Variants in MGAT5B observed in about 807,000 individuals in gnomAD.
The protein encoded by MGAT5B is alpha-1,6-mannosylglycoprotein 6-beta-N-acetylglucosaminyltransferase B, also known as N-acetylglucosaminyl-transferase Vb.
MGAT5B carries 54 observed loss-of-function variants against 95.1 expected under a neutral mutation model. The ratio of observed to expected loss-of-function variants is 0.57; its 90% CI spans 0.46 to 0.71. The LOEUF (loss-of-function observed/expected upper bound fraction) is 0.71, where lower values mean the gene tolerates loss of function less well. MGAT5B is among the 30% of genes least tolerant of loss of function. The probability of loss-of-function intolerance (pLI) is 0.00; values close to 1 mark genes in which losing one functional copy is unlikely to be tolerated. For missense variants in MGAT5B, 935 were observed against 1,088.6 expected, an observed-to-expected ratio of 0.86 and a Z score of 1.99; for synonymous variants, 464 against 451.0, an observed-to-expected ratio of 1.03 and a Z score of -0.36.
chr17:76,901,082 G>T (rs1968298653), intron 3 of MGAT5B, among the ~76,000 whole-genome samples: 1 of 152,156 alleles, frequency 6.6e-6, no homozygotes, highest in Non-Finnish European at 1.5e-5. Flanking sequence ...ACCCTGACTA[G>T]TCCCCCGATG....
intron 3 of MGAT5B, among the ~76,000 whole-genome samples, chr17:76,888,221 G>A (rs1967734195): frequency 6.6e-6 from 1 of 152,092 alleles, no homozygotes; most frequent in African/African-American, 2.4e-5. Context: ...CATCAGGGTG[G>A]GGAGCTCTGG....
intron 3 of MGAT5B, among the ~76,000 whole-genome samples, chr17:76,891,280 G>A (rs576609757): frequency 1.4e-3 from 220 of 152,158 alleles, no homozygotes; most frequent in African/African-American, 5.1e-3. Context: ...CCTCTTATAA[G>A]GGCACTAATG....
Position 76,946,400 on chromosome 17 carries a change from T to C in MGAT5B, c.1873T>C (p.Tyr625His), listed in dbSNP as rs1460745376. ...TQVDPYLPYEYTCEGMLERIH... is the reference protein window; with the variant it reads ...TQVDPYLPYEHTCEGMLERIH... Reference sequence around the variant, plus strand: ...GGTAGACCCCTACCTACCCTACGAGTACACCTGCGAGGGGATGCTGGAGCG... The same window carrying C: ...GGTAGACCCCTACCTACCCTACGAGCACACCTGCGAGGGGATGCTGGAGCG... Residue 625 changes from tyrosine (Y) to histidine (H), a missense_variant, in exon 16 of 18, where the codon TAC becomes CAC. Coordinates refer to ENST00000569840, the MANE Select transcript of MGAT5B (RefSeq NM_001199172.2). 3.7e-6 allele frequency: 6 copies of C among 1,607,292 alleles called. No individual in the cohort carries two copies. The highest frequency in any genetic ancestry group is 5.1e-6 in the Non-Finnish European group (6 of 1,176,564).
Position 76,940,249 on chromosome 17 carries a change from T to G in MGAT5B, c.1585-153T>G, listed in dbSNP as rs764659445. On this transcript the variant is annotated intron_variant, in intron 13 of 17. Coordinates refer to ENST00000569840, the MANE Select transcript of MGAT5B (RefSeq NM_001199172.2). This position sits in a 1 kb window ranked among gnomAD's most constrained non-coding sequence, Gnocchi z 4.3. Reference sequence around the variant, plus strand: ...TGGGCTGGCTTTTCCAGCCCTGTTATAGCTCACATAACAGGCTGAGCAAAA... The same window carrying G: ...TGGGCTGGCTTTTCCAGCCCTGTTAGAGCTCACATAACAGGCTGAGCAAAA... Among the ~76,000 whole-genome samples the G allele has an allele frequency of 3.3e-5, 5 of 152,176 alleles. No individual in the cohort carries two copies. Among genetic ancestry groups the G allele is most frequent in the East Asian group, 1.9e-4 (1 of 5,204 alleles).
At position 76,905,249 on chromosome 17, in the gene MGAT5B, G is replaced by A. The variant is rs765679940; in HGVS notation, c.771G>A (p.Arg257=). 2 of 1,613,276 alleles carry A rather than the reference G, an allele frequency of 1.2e-6. No homozygotes were observed. Among genetic ancestry groups the A allele is most frequent in the South Asian group, 1.1e-5 (1 of 91,044 alleles). ...AGTCCCTGATCTTCATGAAGAAGCG[G>A]ACCAAGAGGCTCACAGCCCAGTGGG... is the stretch of plus-strand genomic sequence containing the variant. ...GKESLIFMKK[R]TKRLTAQWAL... is the part of the protein sequence containing the mutation. Residue 257 remains arginine (R), a synonymous_variant, in exon 7 of 18, where the codon CGG becomes CGA. Transcript: ENST00000569840. The surrounding 1 kb of genome is among the most constrained non-coding windows in gnomAD (Gnocchi z 4.2).
rs139197731 is a variant in MGAT5B, at chr17:76,948,764, A to G, written c.2305A>G (p.Thr769Ala). The stretch of plus-strand genomic sequence containing the variant: ...GCTCTTCAGCTGCGCCGGCTCCAAC[A>G]CCAAGTACCGCCGGCTCTGCCCCTG... The part of the protein sequence containing the change: ...PLLFSCAGSN[T>A]KYRRLCPCRD... Residue 769 changes from threonine (T) to alanine (A), a missense_variant, in exon 18 of 18, where the codon ACC becomes GCC. By Grantham distance (58) the Thr-to-Ala change is moderately conservative (BLOSUM62 0). This residue lies in a region of MGAT5B where 440 missense variants were observed against 523.6 expected (regional missense o/e 0.84). Transcript: ENST00000569840. 3.7e-6 allele frequency: 6 copies of G among 1,610,334 alleles called. No homozygotes were observed. Among genetic ancestry groups the G allele is most frequent in the Non-Finnish European group, 5.1e-6 (6 of 1,178,858 alleles).
intron 2 of MGAT5B, among the ~76,000 whole-genome samples, chr17:76,878,448 T>A (rs560661469): frequency 6.6e-6 from 1 of 152,250 alleles, no homozygotes; most frequent in Admixed American, 6.5e-5. Context: ...CAGGCTGCAA[T>A]GACCCATGCC....
intron 3 of MGAT5B, among the ~76,000 whole-genome samples, chr17:76,890,703 A>G (rs576558094): frequency 1.3e-5 from 2 of 152,074 alleles, no homozygotes; most frequent in African/African-American, 4.8e-5. Flanking sequence ...GGGTTTCACT[A>G]TGTTGCCCAG....
rs909966452 is a variant in MGAT5B, at chr17:76,904,241, C to A, written c.520-11C>A. 1.3e-5 allele frequency: 21 copies of A among 1,601,074 alleles called. No homozygotes were observed. The highest frequency in any genetic ancestry group is 1.7e-5 in the Non-Finnish European group (20 of 1,175,158). On this transcript the variant is annotated splice_polypyrimidine_tract_variant and intron_variant, in intron 5 of 17. Transcript: ENST00000569840. Reference sequence around the variant, plus strand: ...GGCGCAGCCCCCTGCCCAGCCTGGCCCTCTCTGCAGTGGATGCGTGCCCGC... The same window carrying A: ...GGCGCAGCCCCCTGCCCAGCCTGGCACTCTCTGCAGTGGATGCGTGCCCGC...
Position 76,916,134 on chromosome 17 carries a change from C to CCTT in MGAT5B, c.1026-8830_1026-8828dup, listed in dbSNP as rs977228775. Among the ~76,000 whole-genome samples the CCTT allele has an allele frequency of 3.3e-5, 5 of 150,474 alleles. No individual in the cohort carries two copies. The highest frequency in any genetic ancestry group is 1.3e-4 in the African/African-American group (5 of 39,974). ...TCCTTCCTCGGGATCCAGGAGAGAC[C>CCTT]CTTCCTTGCAAGGCCTCGTCTCCCC... On this transcript the variant is annotated intron_variant, in intron 8 of 17. Transcript: ENST00000569840. This position sits in a 1 kb window ranked among gnomAD's most constrained non-coding sequence, Gnocchi z 5.3.
At chr17:76,897,691 TTC>T (rs1968123321) in intron 3 of MGAT5B, among the ~76,000 whole-genome samples, 2 of 110,958 alleles carry the variant, frequency 1.8e-5, no homozygotes, top group African/African-American at 9.3e-5. Context: ...CTTTCTTTCT[TTC>T]TTTCTTTCTT....
intron 2 of MGAT5B, among the ~76,000 whole-genome samples, chr17:76,875,464 G>T (rs1431016464): frequency 6.6e-6 from 1 of 152,138 alleles, no homozygotes; most frequent in East Asian, 1.9e-4. Flanking sequence ...GTTTCCTGAG[G>T]CCTCCCCAGC....
chr17:76,892,210 G>A (rs1008758358), intron 3 of MGAT5B, among the ~76,000 whole-genome samples: 2 of 152,154 alleles, frequency 1.3e-5, no homozygotes, highest in Admixed American at 1.3e-4. Flanking sequence ...ACCACACCTG[G>A]CTAATTTCTG....
intron 1 of MGAT5B, among the ~76,000 whole-genome samples, chr17:76,872,337 G>A (rs1385890243): frequency 6.6e-6 from 1 of 152,220 alleles, no homozygotes; most frequent in Non-Finnish European, 1.5e-5. Flanking sequence ...GTGATTGATG[G>A]GGTCTGGCTG....
Position 76,915,223 on chromosome 17 carries a change from T to C in MGAT5B, c.1025+9036T>C, listed in dbSNP as rs2145215287. ...GGACATAGGAGGGAGAGAGTATTGCTGGCAGTGGCTTCAGGGGAGGGTCCC... is the reference window on the plus strand; with the variant it reads ...GGACATAGGAGGGAGAGAGTATTGCCGGCAGTGGCTTCAGGGGAGGGTCCC... On this transcript the variant is annotated intron_variant, in intron 8 of 17. Coordinates refer to ENST00000569840, the MANE Select transcript of MGAT5B (RefSeq NM_001199172.2). This position sits in a 1 kb window ranked among gnomAD's most constrained non-coding sequence, Gnocchi z 8.7. 6.6e-6 allele frequency among the ~76,000 whole-genome samples: 1 copy of C among 150,994 alleles called. No individual in the cohort carries two copies. Among genetic ancestry groups the C allele is most frequent in the Non-Finnish European group, 1.5e-5 (1 of 67,842 alleles).
chr17:76,885,357 AG>A (rs1323671036), intron 3 of MGAT5B, among the ~76,000 whole-genome samples: 3 of 152,102 alleles, frequency 2.0e-5, no homozygotes, highest in Non-Finnish European at 4.4e-5. Flanking sequence ...CCTCTGATGC[AG>A]CCTCTGTCCG....
rs1242526801 is a variant in MGAT5B at position 76,950,385 on chromosome 17, G to A, written c.*1547G>A. 1 of 152,456 alleles carries A rather than the reference G, an allele frequency of 6.6e-6. No homozygotes were observed. The highest frequency in any genetic ancestry group is 6.5e-5 in the Admixed American group (1 of 15,282). 9.4% of individuals were successfully genotyped at this position (152,456 alleles called of 1,614,324 possible). A position where few individuals can be genotyped will look rare whatever the true frequency, so the allele number is the denominator to read the frequency against. On this transcript the variant is annotated 3_prime_UTR_variant, in exon 18 of 18. Coordinates refer to ENST00000569840, the MANE Select transcript of MGAT5B (RefSeq NM_001199172.2). ...ATATTTTATTGGGATGTGAGGTGCA[G>A]AAGAGGAACTGTGCTGGATTCTCGT...
At position 76,905,376 on chromosome 17, in the gene MGAT5B, T is replaced by C. The variant is rs544838876; in HGVS notation, c.855+43T>C. ...CCTCATGTGCAGGAGCTGAGAAAGC[T>C]CAGGGCCCCCACTTCTGAGTGGGCA... On this transcript the variant is annotated intron_variant, in intron 7 of 17. Transcript: ENST00000569840. This position sits in a 1 kb window ranked among gnomAD's most constrained non-coding sequence, Gnocchi z 4.2. 1.2e-4 allele frequency: 183 copies of C among 1,513,660 alleles called. No homozygotes were observed. In the Admixed American group the frequency reaches 1.2e-3, roughly 10 times the overall value. The allele number at this position is 1,513,660 out of a possible 1,614,324, so 93.8% of individuals were successfully genotyped here. A position where few individuals can be genotyped will look rare whatever the true frequency, so the allele number is the denominator to read the frequency against.
chr17:76,932,107 T>TGTCTTCGTCTTC (rs1452176202), intron 10 of MGAT5B, among the ~76,000 whole-genome samples: 11 of 115,536 alleles, frequency 9.5e-5, no homozygotes, highest in Admixed American at 5.4e-4. Flanking sequence ...TCTTCGTCTT[T>TGTCTTCGTCTTC]GTCTTCGTCT....
Sources: allele counts gnomAD v4.1 joint callset (sites outside exome capture counted in the v4.1 genomes callset), GRCh38; gene constraint gnomAD v4.1.1; regional missense constraint gnomAD v4.1.1; non-coding constraint Gnocchi (gnomAD v3.1); transcripts MANE v1.5; gene names NCBI Gene and HGNC (gene_info 2026-07-23, HGNC 2026-07-21).